Variants in EPHA6 observed in about 807,000 individuals in gnomAD.
EPHA6 encodes the protein EPH receptor A6.
In EPHA6, 50 loss-of-function variants were observed where a neutral mutation model predicts 112.0. The observed-to-expected ratio is 0.45, with a 90% CI of 0.36 to 0.56. The LOEUF is 0.56. EPHA6 is among the 20% of genes least tolerant of loss of function. The pLI, the probability that EPHA6 is intolerant of heterozygous loss-of-function variation, is 0.00. For missense variants in EPHA6, 1,280 were observed against 1,417.4 expected (o/e 0.90, Z 1.56); for synonymous variants, 529 against 490.7 (o/e 1.08, Z -1.03).
chr3:97,107,496 T>C (rs2047602171), intron 3 of EPHA6, among the ~76,000 whole-genome samples: 1 of 152,198 alleles, frequency 6.6e-6, no homozygotes, highest in African/African-American at 2.4e-5. Flanking sequence ...TCTACTTTTA[T>C]TAAAAAGTCT....
At chr3:97,122,003 T>C (rs2048054720) in intron 3 of EPHA6, among the ~76,000 whole-genome samples, 1 of 152,090 alleles carries the variant, frequency 6.6e-6, no homozygotes, top group African/African-American at 2.4e-5. Flanking sequence ...CTTATAGATG[T>C]TATTGTATAT....
chr3:97,230,264 A>T (rs2078486177), intron 4 of EPHA6, among the ~76,000 whole-genome samples: 2 of 152,166 alleles, frequency 1.3e-5, no homozygotes, highest in Non-Finnish European at 2.9e-5. Flanking sequence ...ATAGTCAATA[A>T]TTGAGAAGGC....
At chr3:96,988,676 A>C (rs959870031) in intron 3 of EPHA6, among the ~76,000 whole-genome samples, 4 of 152,114 alleles carry the variant, frequency 2.6e-5, no homozygotes, top group African/African-American at 9.7e-5. Context: ...ATCAGAGCTT[A>C]ATTAATCTTT....
At chr3:97,289,662 A>G (rs1271953392) in intron 5 of EPHA6, among the ~76,000 whole-genome samples, 1 of 152,088 alleles carries the variant, frequency 6.6e-6, no homozygotes, top group Non-Finnish European at 1.5e-5. Context: ...AAGTATGGCC[A>G]TTTTAATGTT....
chr3:97,665,844 T>A (rs2030018430), intron 14 of EPHA6, among the ~76,000 whole-genome samples: 1 of 152,094 alleles, frequency 6.6e-6, no homozygotes, highest in African/African-American at 2.4e-5. Context: ...GATCACGAGA[T>A]CAGGGGTTCG....
intron 5 of EPHA6, among the ~76,000 whole-genome samples, chr3:97,271,111 C>T (rs1218504424): frequency 6.6e-6 from 1 of 152,104 alleles, no homozygotes; most frequent in Non-Finnish European, 1.5e-5. Flanking sequence ...AATTTATATC[C>T]AAACAGACAT....
chr3:96,974,946 AG>A (rs780373107), intron 2 of EPHA6, among the ~76,000 whole-genome samples: 23 of 152,078 alleles, frequency 1.5e-4, no homozygotes, highest in Non-Finnish European at 2.6e-4. Flanking sequence ...AGTCCCAGAG[AG>A]GGGGTCAGTG....
At chr3:96,931,275 G>A (rs1469830350) in intron 2 of EPHA6, among the ~76,000 whole-genome samples, 1 of 152,182 alleles carries the variant, frequency 6.6e-6, no homozygotes, top group Non-Finnish European at 1.5e-5. Flanking sequence ...GAATGGATCA[G>A]GGTCCTGCTT....
intron 3 of EPHA6, among the ~76,000 whole-genome samples, chr3:97,175,181 A>G (rs1255087136): frequency 6.6e-6 from 1 of 151,908 alleles, no homozygotes. Context: ...TGTTCTTAGC[A>G]TCTTTGTCAA....
chr3:97,359,383 T>A (rs1329522263), intron 5 of EPHA6, among the ~76,000 whole-genome samples: 1 of 152,020 alleles, frequency 6.6e-6, no homozygotes, highest in Non-Finnish European at 1.5e-5. Flanking sequence ...AGCTCCAGAA[T>A]TTATTTTTGG....
At position 97,724,952 on chromosome 3, in the gene EPHA6, G is replaced by A. The variant is rs533210494; in HGVS notation, c.2934+4542G>A. 3.3e-5 allele frequency among the ~76,000 whole-genome samples: 5 copies of A among 151,970 alleles called. No homozygotes were observed. In the South Asian group the frequency reaches 1.0e-3, roughly 32 times the overall value. On this transcript the variant is annotated intron_variant, in intron 15 of 17. Transcript: ENST00000389672. ...AATACTGTGTGAAAACACAGTTATTGTTTAATAAATATATATGCCAAGAAA... is the reference window on the plus strand; with the variant it reads ...AATACTGTGTGAAAACACAGTTATTATTTAATAAATATATATGCCAAGAAA...
At chr3:96,895,596 C>G (rs1273726491) in intron 2 of EPHA6, among the ~76,000 whole-genome samples, 1 of 152,206 alleles carries the variant, frequency 6.6e-6, no homozygotes, top group Non-Finnish European at 1.5e-5. Context: ...TGCAGCTCTG[C>G]AAGCTCCCTT....
At chr3:96,928,884 G>C (rs1034485872) in intron 2 of EPHA6, among the ~76,000 whole-genome samples, 1 of 152,050 alleles carries the variant, frequency 6.6e-6, no homozygotes, top group African/African-American at 2.4e-5. Context: ...ACCCTTCTTT[G>C]TCTTTTTTTA....
intron 6 of EPHA6, among the ~76,000 whole-genome samples, chr3:97,437,490 G>T (rs1246154597): frequency 6.6e-6 from 1 of 151,986 alleles, no homozygotes; most frequent in East Asian, 1.9e-4. Flanking sequence ...GATACTTAGC[G>T]TGTTATTTTC....
chr3:96,943,125 G>A (rs1008626115), intron 2 of EPHA6, among the ~76,000 whole-genome samples: 10 of 151,978 alleles, frequency 6.6e-5, no homozygotes, highest in South Asian at 6.2e-4. Context: ...CTTATTTCAC[G>A]TCCTCCAGGT....
At chr3:97,713,080 T>C (rs2034051016) in intron 14 of EPHA6, among the ~76,000 whole-genome samples, 1 of 151,242 alleles carries the variant, frequency 6.6e-6, no homozygotes, top group African/African-American at 2.4e-5. Context: ...GGCTTAGAGT[T>C]AGGGTGGGGG....
At chr3:97,609,339 A>G (rs1189670389) in intron 12 of EPHA6, among the ~76,000 whole-genome samples, 1 of 151,204 alleles carries the variant, frequency 6.6e-6, no homozygotes, top group Admixed American at 6.6e-5. Flanking sequence ...CCTACCTCCA[A>G]CCTCTCTGAA....
chr3:97,733,958 A>ATGTT, intron 15 of EPHA6, among the ~76,000 whole-genome samples: 1 of 152,004 alleles, frequency 6.6e-6, no homozygotes, highest in Non-Finnish European at 1.5e-5. Flanking sequence ...TCAGAGGAGA[A>ATGTT]TGTTGTAAGT....
At chr3:97,045,963 CAGAT>C (rs2045490816) in intron 3 of EPHA6, among the ~76,000 whole-genome samples, 1 of 151,962 alleles carries the variant, frequency 6.6e-6, no homozygotes, top group Non-Finnish European at 1.5e-5. Context: ...TAGTGTAAAA[CAGAT>C]AGCCAGGAGT....
Sources: allele counts gnomAD v4.1 joint callset (sites outside exome capture counted in the v4.1 genomes callset), GRCh38; gene constraint gnomAD v4.1.1; transcripts MANE v1.5; gene names NCBI Gene and HGNC (gene_info 2026-07-23, HGNC 2026-07-21).